The following ZNF185 variants were observed in gnomAD, a reference collection of about 807,000 sequenced individuals.
ZNF185 encodes zinc finger protein 185 with LIM domain, also known as zinc finger protein 185.
In ZNF185, 56 loss-of-function variants were observed where a neutral mutation model predicts 58.6. That is an observed-to-expected ratio of 0.95 (90% confidence interval 0.77 to 1.19). The LOEUF (loss-of-function observed/expected upper bound fraction) is 1.19, where lower values mean the gene tolerates loss of function less well. Among genes scored for constraint, ZNF185 ranks in the 50% most tolerant of loss-of-function variants. The probability of loss-of-function intolerance (pLI) is 0.00; values close to 1 mark genes in which losing one functional copy is unlikely to be tolerated. For synonymous variants in ZNF185, 230 were observed against 215.9 expected (o/e 1.07, Z -0.57); for missense variants, 627 against 573.5 (o/e 1.09, Z -0.95).
intron 11 of ZNF185, among the ~76,000 whole-genome samples, chrX:152,927,661 C>T (rs1164102569): frequency 8.9e-6 from 1 of 112,114 alleles, no homozygotes; most frequent in Admixed American, 9.4e-5. Context: ...GCTATGCCTC[C>T]ATGAAGCTTG....
At chrX:152,945,425 G>T in exon 16 of ZNF185, 1 of 1,206,905 alleles carries the variant, frequency 8.3e-7, no homozygotes, top group African/African-American at 1.7e-5. Flanking sequence ...AGCCCCAGCG[G>T]ATCTGAGCAA....
At chrX:152,923,370 G>C (rs1290656263) in intron 11 of ZNF185, among the ~76,000 whole-genome samples, 1 of 112,347 alleles carries the variant, frequency 8.9e-6, no homozygotes, top group Admixed American at 9.4e-5. Flanking sequence ...TGCTGGCAGA[G>C]GGAGCCAGGA....
chrX:152,967,180 G>A (rs1556915333), exon 20 of ZNF185: 1 of 1,211,338 alleles, frequency 8.3e-7, no homozygotes, highest in African/African-American at 1.7e-5. Flanking sequence ...CAGCAGCATT[G>A]AGGACTCATT....
chrX:152,910,720 G>A (rs782093985), upstream of ZNF185, among the ~76,000 whole-genome samples: 2 of 112,299 alleles, frequency 1.8e-5, no homozygotes, highest in South Asian at 7.4e-4. Flanking sequence ...GCTGCGAGGG[G>A]AATTACTGGA....
At chrX:152,964,613 C>T (rs2049921583) in intron 18 of ZNF185, among the ~76,000 whole-genome samples, 1 of 112,016 alleles carries the variant, frequency 8.9e-6, no homozygotes, top group South Asian at 3.7e-4. Context: ...TCACCTCCCT[C>T]CAAGCCCCAC....
At chrX:152,916,342 G>T in intron 3 of ZNF185, among the ~76,000 whole-genome samples, 1 of 111,198 alleles carries the variant, frequency 9.0e-6, no homozygotes, top group East Asian at 2.9e-4. Flanking sequence ...AGGACTCTTT[G>T]CAGGGGCCCC....
intron 20 of ZNF185, among the ~76,000 whole-genome samples, chrX:152,967,488 G>T (rs1263406388): frequency 1.8e-5 from 2 of 112,412 alleles, no homozygotes; most frequent in Non-Finnish European, 3.8e-5. Context: ...GGAAGTGGTG[G>T]CATCTGACAA....
At chrX:152,946,537 A>G (rs1300048008) in intron 16 of ZNF185, among the ~76,000 whole-genome samples, 1 of 112,011 alleles carries the variant, frequency 8.9e-6, no homozygotes, top group Non-Finnish European at 1.9e-5. Context: ...TGTGGCTTCT[A>G]GAACTAGTCA....
the ZNF185 span, among the ~76,000 whole-genome samples, chrX:152,906,227 G>A: frequency 8.0e-5 from 9 of 112,507 alleles, no homozygotes; most frequent in African/African-American, 2.3e-4. Context: ...GCCTGGGTCC[G>A]CCCATCTCTA....
In ZNF185 at chrX:152,969,593, G is replaced by T; in HGVS notation, c.1974+109G>T. ...TCTTACGGGTTCAGAGACTGTGGAG[G>T]AGGCTTGATCTCCATATACAATTGC... On this transcript the variant is annotated intron_variant, in intron 21 of 22. Transcript: ENST00000449285. 8 of 585,233 alleles carry T rather than the reference G, an allele frequency of 1.4e-5. No individual in the cohort carries two copies. In the Middle Eastern group the frequency reaches 2.2e-3, roughly 162 times the overall value. 48.2% of individuals were successfully genotyped at this position (585,233 alleles called of 1,213,427 possible).
chrX:152,917,167 C>T, exon 4 of ZNF185: 1 of 1,211,606 alleles, frequency 8.3e-7, no homozygotes, highest in East Asian at 3.0e-5. Context: ...GCTACATCAT[C>T]CGGTAAGTGA....
At chrX:152,909,665 C>G (rs1240637304), upstream of ZNF185, among the ~76,000 whole-genome samples, 1 of 112,667 alleles carries the variant, frequency 8.9e-6, no homozygotes, top group Admixed American at 9.3e-5. Context: ...GCCTGCTCTC[C>G]GCTTCCTTCT....
the ZNF185 span, among the ~76,000 whole-genome samples, chrX:152,907,797 T>C: frequency 8.9e-6 from 1 of 112,817 alleles, no homozygotes; most frequent in Non-Finnish European, 1.9e-5. Flanking sequence ...GGACAGTTCA[T>C]GCAGAGGGTG....
At chrX:152,904,438 G>T in the ZNF185 span, among the ~76,000 whole-genome samples, 1 of 112,808 alleles carries the variant, frequency 8.9e-6, no homozygotes, top group African/African-American at 3.2e-5. Flanking sequence ...GCTGACTGTT[G>T]CCTTGCCAGC....
chrX:152,917,225 A>T, intron 4 of ZNF185, 56 bp downstream of exon 5: 12 of 1,210,547 alleles, frequency 9.9e-6, no homozygotes, highest in Non-Finnish European at 1.1e-5. Context: ...CCAAGCCCTG[A>T]CTTCTTACCC....
At chrX:152,969,713 G>A (rs938943753) in intron 21 of ZNF185, among the ~76,000 whole-genome samples, 6 of 112,449 alleles carry the variant, frequency 5.3e-5, no homozygotes, top group Non-Finnish European at 9.4e-5. Flanking sequence ...GCTTAGTACT[G>A]TAGGGAAGAC....
At chrX:152,934,675 A>G (rs781889662) in intron 14 of ZNF185, among the ~76,000 whole-genome samples, 1 of 112,311 alleles carries the variant, frequency 8.9e-6, no homozygotes, top group South Asian at 3.7e-4. Context: ...AGATTATTAT[A>G]ATACCTCATA....
chrX:152,905,938 G>A, the ZNF185 span, among the ~76,000 whole-genome samples: 1 of 112,461 alleles, frequency 8.9e-6, no homozygotes, highest in Non-Finnish European at 1.9e-5. Context: ...GGCTTGGGCA[G>A]CCTGGAGCCT....
rs782248710 is a variant in ZNF185 at position 152,922,792 on chromosome X, T to C, written c.813T>C (p.Ala271=). ...GCCTGCCAAGTATGCCTAGCCCCGCTGGGAGCCAGGAGCTCAGGTGGGTGC... is the reference window on the plus strand; with the variant it reads ...GCCTGCCAAGTATGCCTAGCCCCGCCGGGAGCCAGGAGCTCAGGTGGGTGC... The change falls in exon 11 of 23, where the codon GCT becomes GCC. Residue 271 remains alanine, a synonymous_variant. Transcript: ENST00000449285. 2.0e-5 allele frequency: 24 copies of C among 1,195,008 alleles called. No homozygotes were observed. In the Admixed American group the frequency reaches 5.0e-4, roughly 25 times the overall value.
Sources: allele counts gnomAD v4.1 joint callset (sites outside exome capture counted in the v4.1 genomes callset), GRCh38; gene constraint gnomAD v4.1.1; transcripts MANE v1.5; gene names NCBI Gene and HGNC (gene_info 2026-07-23, HGNC 2026-07-21).